Variants in FCHO2 observed in about 807,000 individuals in gnomAD.
FCHO2 encodes FCH and mu domain containing endocytic adaptor 2.
Under a neutral mutation model 114.1 loss-of-function variants are expected in FCHO2, and 43 were observed. That is an observed-to-expected ratio of 0.38 (90% CI 0.30 to 0.49). FCHO2 has a LOEUF of 0.49. Ranked by LOEUF, FCHO2 falls within the 20% of genes least tolerant of loss-of-function variation. The pLI is 0.97. For missense variants in FCHO2, 807 were observed against 950.4 expected (o/e 0.85, Z 1.98); for synonymous variants, 293 against 315.2 (o/e 0.93, Z 0.75).
At position 73,088,116 on chromosome 5, in the gene FCHO2, C is replaced by T; in HGVS notation, c.*26C>T. The T allele has an allele frequency of 6.2e-7, 1 of 1,612,398 alleles. No homozygotes were observed. On this transcript the variant is annotated 3_prime_UTR_variant, in exon 26 of 26. Transcript: ENST00000430046. ...TGGACCTGGGAAAGTGATGTGGCTTCAGGGATTACAAACCTGCCATTCTGC... is the reference window on the plus strand; with the variant it reads ...TGGACCTGGGAAAGTGATGTGGCTTTAGGGATTACAAACCTGCCATTCTGC...
intron 5 of FCHO2, among the ~76,000 whole-genome samples, chr5:73,002,824 G>A (rs1561438679): frequency 6.6e-6 from 1 of 152,160 alleles, no homozygotes; most frequent in Non-Finnish European, 1.5e-5. Context: ...ATATTAAATA[G>A]TACAGAACAA....
intron 8 of FCHO2, among the ~76,000 whole-genome samples, chr5:73,022,907 C>G (rs1218647781): frequency 1.3e-5 from 2 of 152,122 alleles, no homozygotes; most frequent in Non-Finnish European, 2.9e-5. Context: ...AGGAAGACAT[C>G]AACAGTCCAA....
In FCHO2 at chr5:73,065,624, T is replaced by A. The variant is rs535893554; in HGVS notation, c.1449+1680T>A. Among the ~76,000 whole-genome samples, 45 of 152,200 alleles carry A rather than the reference T, an allele frequency of 3.0e-4. 1 individual carries two copies. In the South Asian group the frequency reaches 8.3e-3, roughly 28 times the overall value. On this transcript the variant is annotated intron_variant, in intron 18 of 25. Transcript: ENST00000430046. The stretch of plus-strand genomic sequence containing the variant: ...ACAGAATATTGTTGAATGCAAATAG[T>A]TGCTCAAAAATTATTAATTGTATAG...
At chr5:73,025,862 A>G (rs1162681214) in intron 8 of FCHO2, among the ~76,000 whole-genome samples, 1 of 152,202 alleles carries the variant, frequency 6.6e-6, no homozygotes, top group Non-Finnish European at 1.5e-5. Context: ...CAATTGTTTT[A>G]TACTATTGAT....
chr5:73,029,598 G>T (rs1756121817), intron 8 of FCHO2, among the ~76,000 whole-genome samples: 1 of 152,178 alleles, frequency 6.6e-6, no homozygotes, highest in African/African-American at 2.4e-5. Flanking sequence ...ATAAAGAAAA[G>T]ATATTTAACT....
intron 3 of FCHO2, among the ~76,000 whole-genome samples, chr5:72,989,872 T>C (rs1753730968): frequency 6.6e-6 from 1 of 152,062 alleles, no homozygotes. Flanking sequence ...TAAACTTTAT[T>C]GAAATGATTA....
chr5:73,020,094 G>T (rs1370688920), intron 8 of FCHO2, among the ~76,000 whole-genome samples: 1 of 152,132 alleles, frequency 6.6e-6, no homozygotes, highest in African/African-American at 2.4e-5. Flanking sequence ...ACATCCCAGA[G>T]GCCCATTTAA....
chr5:73,058,731 G>GT (rs1185926132), intron 17 of FCHO2, among the ~76,000 whole-genome samples: 2 of 151,902 alleles, frequency 1.3e-5, no homozygotes, highest in African/African-American at 2.4e-5. Context: ...ATACTAAGTG[G>GT]TTTTTTAAAT....
chr5:73,060,981 ATGAATTAAT>A (rs2112857167), intron 17 of FCHO2, among the ~76,000 whole-genome samples: 1 of 151,300 alleles, frequency 6.6e-6, no homozygotes, highest in East Asian at 2.0e-4. Context: ...TTCTCTGCCT[ATGAATTAAT>A]TGAACTCTTG....
rs1484676284 is a variant in FCHO2 at position 73,068,591 on chromosome 5, C to A, written c.1450-59C>A. 3.2e-6 allele frequency: 5 copies of A among 1,554,674 alleles called. No homozygotes were observed. The South Asian group carries it at 3.7e-5, about 11-fold the overall frequency. ...TTAAATTTACCTCATACTTAAAAAT[C>A]TTCTCTAACAAGAGAGGTATTGTTT... On this transcript the variant is annotated intron_variant, in intron 18 of 25. Coordinates refer to ENST00000430046, the MANE Select transcript of FCHO2 (RefSeq NM_138782.3).
At chr5:73,007,842 T>C (rs1014066974) in intron 6 of FCHO2, among the ~76,000 whole-genome samples, 9 of 152,140 alleles carry the variant, frequency 5.9e-5, no homozygotes, top group Non-Finnish European at 1.3e-4. Context: ...TTCCATGAGA[T>C]AGAATAATAG....
At chr5:73,083,249 T>C (rs1743184106) in intron 24 of FCHO2, among the ~76,000 whole-genome samples, 1 of 152,120 alleles carries the variant, frequency 6.6e-6, no homozygotes, top group Non-Finnish European at 1.5e-5. Context: ...TAAAGTTTCC[T>C]CCTGGAATTT....
At chr5:72,976,399 T>C (rs1308976870) in intron 2 of FCHO2, among the ~76,000 whole-genome samples, 1 of 151,872 alleles carries the variant, frequency 6.6e-6, no homozygotes, top group Non-Finnish European at 1.5e-5. Context: ...TGTCAAGATG[T>C]GGTCTCAGCA....
At chr5:73,070,608 GT>G (rs1217791572) in intron 19 of FCHO2, among the ~76,000 whole-genome samples, 8 of 150,106 alleles carry the variant, frequency 5.3e-5, no homozygotes, top group African/African-American at 2.0e-4. Flanking sequence ...TATTCAGGAG[GT>G]TTTGTGTTTG....
In FCHO2 at chr5:73,021,410, A is replaced by G. The variant is rs140158821; in HGVS notation, c.796+4102A>G. 65 of 284,286 alleles carry G rather than the reference A, an allele frequency of 2.3e-4. 2 individuals carry two copies. The East Asian group carries it at 4.0e-3, about 18-fold the overall frequency. 17.6% of individuals were successfully genotyped at this position (284,286 alleles called of 1,614,324 possible). ...CTTAACTTTCTTTTACTCCTATTCA[A>G]GTACCTTCACTGAGGCCAACCTGAA... On this transcript the variant is annotated intron_variant, in intron 8 of 25. Coordinates refer to ENST00000430046, the MANE Select transcript of FCHO2 (RefSeq NM_138782.3).
At chr5:73,080,042 T>G (rs1743041072) in intron 22 of FCHO2, among the ~76,000 whole-genome samples, 1 of 152,166 alleles carries the variant, frequency 6.6e-6, no homozygotes, top group Non-Finnish European at 1.5e-5. Context: ...TTATAAAATA[T>G]TTTGTTAAAC....
At chr5:72,965,928 G>A (rs1752175991) in intron 1 of FCHO2, among the ~76,000 whole-genome samples, 1 of 152,054 alleles carries the variant, frequency 6.6e-6, no homozygotes, top group Admixed American at 6.5e-5. Context: ...CATGTTATTG[G>A]TGTTTGCAGG....
chr5:72,998,731 G>A, intron 5 of FCHO2, among the ~76,000 whole-genome samples: 1 of 150,364 alleles, frequency 6.7e-6, no homozygotes, highest in African/African-American at 2.4e-5. Context: ...AAAAATATAT[G>A]ATGACTAGCG....
intron 2 of FCHO2, among the ~76,000 whole-genome samples, chr5:72,987,011 G>A (rs977630909): frequency 3.3e-5 from 5 of 151,728 alleles, no homozygotes; most frequent in African/African-American, 1.2e-4. Context: ...GAGTAGCTGG[G>A]ATTACAGGCG....
Sources: gnomAD v4.1 joint callset for allele counts (sites outside exome capture counted in the v4.1 genomes callset) on GRCh38, gnomAD v4.1.1 for gene constraint, MANE v1.5 for transcripts, NCBI Gene and HGNC (gene_info 2026-07-23, HGNC 2026-07-21) for gene names.